The following MREG variants were observed in gnomAD, a reference collection of about 807,000 sequenced individuals.
MREG encodes melanoregulin.
A neutral mutation model predicts 28.5 loss-of-function variants in MREG; 31 were observed. The observed-to-expected ratio is 1.09, with a 90% CI of 0.82 to 1.47. The LOEUF (loss-of-function observed/expected upper bound fraction) is 1.47, where lower values mean the gene tolerates loss of function less well. MREG is among the 40% of genes most tolerant of loss of function. MREG has a pLI of 0.00. For missense variants in MREG, 256 were observed against 257.4 expected (o/e 0.99, Z 0.04); for synonymous variants, 106 against 95.2 (o/e 1.11, Z -0.66).
upstream of MREG, among the ~76,000 whole-genome samples, chr2:216,015,220 G>A (rs1694426975): frequency 6.6e-6 from 1 of 151,842 alleles, no homozygotes; most frequent in South Asian, 2.1e-4. Context: ...TTGGGTGGAG[G>A]GGAGTGATGC....
chr2:216,024,211 T>C (rs1464724138), intron 1 of MREG, among the ~76,000 whole-genome samples: 2 of 152,004 alleles, frequency 1.3e-5, no homozygotes, highest in Admixed American at 6.6e-5. Context: ...CCCCTCCCTA[T>C]CACTCACATC....
At chr2:215,954,483 C>CACACACAG (rs3220063) in intron 2 of MREG, among the ~76,000 whole-genome samples, 2 of 150,786 alleles carry the variant, frequency 1.3e-5, no homozygotes, top group Non-Finnish European at 3.0e-5. Flanking sequence ...CACACACACA[C>CACACACAG]AAAACAACCA....
Position 215,947,853 on chromosome 2 carries a change from T to G in MREG, c.256-740A>C, listed in dbSNP as rs559314131. On this transcript the variant is annotated intron_variant, in intron 2 of 4. Transcript: ENST00000263268. ...CAGTCCTATGTAAAGGAGGCCATCATGTTGTTCCAATACAGAACTTGAATC... is the reference window on the plus strand; with the variant it reads ...CAGTCCTATGTAAAGGAGGCCATCAGGTTGTTCCAATACAGAACTTGAATC... 6.6e-5 allele frequency among the ~76,000 whole-genome samples: 10 copies of G among 152,370 alleles called. No homozygotes were observed. In the South Asian group the frequency reaches 2.1e-3, roughly 32 times the overall value.
intron 2 of MREG, among the ~76,000 whole-genome samples, chr2:215,979,053 G>A (rs1693336455): frequency 6.6e-6 from 1 of 152,310 alleles, no homozygotes; most frequent in East Asian, 1.9e-4. Context: ...TAGCCTAGAT[G>A]TCTTTGAAAT....
intron 1 of MREG, among the ~76,000 whole-genome samples, chr2:216,024,907 AAGGGAAAGG>A (rs1694572070): frequency 2.0e-5 from 3 of 149,032 alleles, no homozygotes; most frequent in Non-Finnish European, 3.0e-5. Flanking sequence ...AAGGGAAAGG[AAGGGAAAGG>A]AAAAAAAAAA....
chr2:216,023,197 G>A (rs901992856), intron 1 of MREG, among the ~76,000 whole-genome samples: 1 of 152,146 alleles, frequency 6.6e-6, no homozygotes, highest in Non-Finnish European at 1.5e-5. Flanking sequence ...TCCCCACAAA[G>A]GTTATATACA....
intron 2 of MREG, among the ~76,000 whole-genome samples, chr2:215,972,738 T>C (rs1348275315): frequency 6.6e-6 from 1 of 152,154 alleles, no homozygotes; most frequent in East Asian, 1.9e-4. Context: ...TTTAAATATA[T>C]GCAGTTTATT....
intron 2 of MREG, among the ~76,000 whole-genome samples, chr2:215,958,272 A>G (rs1268464823): frequency 1.3e-5 from 2 of 148,196 alleles, no homozygotes; most frequent in Non-Finnish European, 3.0e-5. Context: ...TAAAATAAAA[A>G]TAAATAAATA....
At position 215,947,029 on chromosome 2, in the gene MREG, C is replaced by T; in HGVS notation, c.340G>A (p.Asp114Asn). The T allele has an allele frequency of 2.5e-6, 4 of 1,589,662 alleles. No individual in the cohort carries two copies. In the South Asian group the frequency reaches 4.4e-5, roughly 18 times the overall value. Reference protein sequence around the residue: ...VRNRWKCILEDLGFQKEADSL... With the variant: ...VRNRWKCILENLGFQKEADSL... The stretch of plus-strand genomic sequence containing the variant: ...CAATCTCTTTTAGACTTACCTAAAT[C>T]TTCTAAGATGCACTTCCATCTGTTT... The change falls in exon 3 of 5, where the codon GAT (aspartate) becomes AAT (asparagine). Residue 114 changes from aspartate to asparagine, a missense_variant. Physicochemically the swap from Asp to Asn is conservative, Grantham distance 23 (BLOSUM62 1). Transcript: ENST00000263268.
chr2:215,988,693 C>T (rs963026941), intron 2 of MREG, among the ~76,000 whole-genome samples: 4 of 152,130 alleles, frequency 2.6e-5, no homozygotes, highest in African/African-American at 4.8e-5. Context: ...CTGGGATGCT[C>T]GAGCTTGGTT....
chr2:216,005,713 A>G (rs944980750), intron 1 of MREG, among the ~76,000 whole-genome samples: 3 of 152,092 alleles, frequency 2.0e-5, no homozygotes, highest in African/African-American at 7.2e-5. Flanking sequence ...TCGGCCTCCC[A>G]AAGTGTTGGG....
At chr2:215,990,673 T>C (rs1693698332) in intron 2 of MREG, among the ~76,000 whole-genome samples, 1 of 152,058 alleles carries the variant, frequency 6.6e-6, no homozygotes, top group Non-Finnish European at 1.5e-5. Context: ...AAGACACATA[T>C]AGGCTCAAAA....
chr2:215,947,218 A>C, intron 2 of MREG, 105 bp from the exon 3 acceptor site: 1 of 681,468 alleles, frequency 1.5e-6, no homozygotes, highest in Non-Finnish European at 2.5e-6. Flanking sequence ...CTCTTTTATT[A>C]ATCTTCAAAG....
intron 2 of MREG, among the ~76,000 whole-genome samples, chr2:215,954,445 AACACACACACACAC>A (rs3078454): frequency 7.3e-6 from 1 of 136,524 alleles, no homozygotes; most frequent in Admixed American, 7.6e-5. Context: ...ATCTGTGTAC[AACACACACACACAC>A]ACACACACAC....
Position 215,942,598 on chromosome 2 carries a change from A to C in MREG, c.*2265T>G, listed in dbSNP as rs1392995053. Among the ~76,000 whole-genome samples the C allele has an allele frequency of 6.6e-6, 1 of 152,244 alleles. No individual in the cohort carries two copies. The highest frequency in any genetic ancestry group is 1.5e-5 in the Non-Finnish European group (1 of 68,052). The stretch of plus-strand genomic sequence containing the variant: ...ACACATCCAGCTGAAAAGTAAATAC[A>C]GGAGTCTTTTAATTCCTTGTAAGGA... On this transcript the variant is annotated 3_prime_UTR_variant, in exon 5 of 5. Coordinates refer to ENST00000263268, the MANE Select transcript of MREG (RefSeq NM_018000.3).
At chr2:215,979,091 G>A (rs1388896629) in intron 2 of MREG, among the ~76,000 whole-genome samples, 3 of 152,198 alleles carry the variant, frequency 2.0e-5, no homozygotes, top group African/African-American at 7.2e-5. Context: ...GTTTTCATAA[G>A]AGGGAAATAA....
At chr2:216,012,615 G>A (rs764932) in intron 1 of MREG, among the ~76,000 whole-genome samples, 26,867 of 152,106 alleles carry the variant, frequency 0.18, 3,079 homozygotes, top group Admixed American at 0.24. Context: ...ACAAAACTGG[G>A]CTGGTATGGT....
chr2:216,026,866 A>G (rs1694604474), intron 1 of MREG, among the ~76,000 whole-genome samples: 2 of 152,236 alleles, frequency 1.3e-5, no homozygotes, highest in South Asian at 4.1e-4. Context: ...GTAAACTTAC[A>G]TCACATAAGG....
At chr2:215,947,667 T>C (rs1471378230) in intron 2 of MREG, among the ~76,000 whole-genome samples, 3 of 152,218 alleles carry the variant, frequency 2.0e-5, no homozygotes, top group African/African-American at 7.2e-5. Context: ...TGTCTCCCTT[T>C]GTAGTCAGAA....
Sources: allele counts gnomAD v4.1 joint callset (sites outside exome capture counted in the v4.1 genomes callset), GRCh38; gene constraint gnomAD v4.1.1; transcripts MANE v1.5; gene names NCBI Gene and HGNC (gene_info 2026-07-23, HGNC 2026-07-21).